The following APCDD1 variants were observed in gnomAD, a reference collection of about 807,000 sequenced individuals.
APCDD1 encodes the protein protein APCDD1.
A neutral mutation model predicts 38.1 loss-of-function variants in APCDD1; 15 were observed. That is an observed-to-expected ratio of 0.39 (90% CI 0.26 to 0.61). APCDD1 has a LOEUF of 0.61. APCDD1 is among the 20% of genes least tolerant of loss of function. APCDD1 has a pLI of 0.49. For missense variants in APCDD1, 647 were observed against 696.2 expected, an observed-to-expected ratio of 0.93 and a Z score of 0.79; for synonymous variants, 261 against 279.7, an observed-to-expected ratio of 0.93 and a Z score of 0.67.
At position 10,476,906 on chromosome 18, in the gene APCDD1, C is replaced by G. The variant is rs1172622309; in HGVS notation, c.774+4845C>G. On this transcript the variant is annotated intron_variant, in intron 3 of 4. Coordinates refer to ENST00000355285, the MANE Select transcript of APCDD1 (RefSeq NM_153000.5). This position sits in a 1 kb window ranked among gnomAD's most constrained non-coding sequence, Gnocchi z 5.8. ...GAGCCAGCATATGTTTTTGAGGTAGCTTGCCTCTCAGAGGCTTTTTAGAGG... is the reference window on the plus strand; with the variant it reads ...GAGCCAGCATATGTTTTTGAGGTAGGTTGCCTCTCAGAGGCTTTTTAGAGG... 2 of 152,278 alleles carry G rather than the reference C, an allele frequency of 1.3e-5. No individual in the cohort carries two copies. Among genetic ancestry groups the G allele is most frequent in the African/African-American group, 4.8e-5 (2 of 41,470 alleles). The allele number at this position is 152,278 out of a possible 1,614,324, so 9.4% of individuals were successfully genotyped here. A position where few individuals can be genotyped will look rare whatever the true frequency, so the allele number is the denominator to read the frequency against.
chr18:10,464,796 T>C (rs1364892447), intron 1 of APCDD1, among the ~76,000 whole-genome samples: 1 of 152,224 alleles, frequency 6.6e-6, no homozygotes, highest in African/African-American at 2.4e-5. Context: ...CCTCACTCTC[T>C]TCTACATTGA....
intron 1 of APCDD1, among the ~76,000 whole-genome samples, chr18:10,460,696 A>G (rs985145414): frequency 5.9e-5 from 9 of 152,220 alleles, no homozygotes; most frequent in Admixed American, 2.6e-4. Context: ...CCATTTGTTG[A>G]ATGAATGAAT....
At chr18:10,479,923 T>C (rs1035878164) in intron 3 of APCDD1, among the ~76,000 whole-genome samples, 4 of 152,246 alleles carry the variant, frequency 2.6e-5, no homozygotes, top group African/African-American at 9.6e-5. Context: ...TTCTTTCTCA[T>C]TTTTAGAACA....
In APCDD1 at chr18:10,454,821, C is replaced by A. The variant is rs1257914587; in HGVS notation, c.-161C>A. 1.0e-6 allele frequency: 1 copy of A among 990,094 alleles called. No homozygotes were observed. The highest frequency in any genetic ancestry group is 1.1e-4 in the East Asian group (1 of 9,058). 61.3% of individuals were successfully genotyped at this position (990,094 alleles called of 1,614,324 possible). Reference sequence around the variant, plus strand: ...CGCCCAGAGAGCGCGCGCCCCGCAGCCCCGCGCCTAGCCCGCCGGGCATGG... The same window carrying A: ...CGCCCAGAGAGCGCGCGCCCCGCAGACCCGCGCCTAGCCCGCCGGGCATGG... On this transcript the variant is annotated 5_prime_UTR_variant, in exon 1 of 5. Transcript: ENST00000355285.
chr18:10,489,638 G>A lies in APCDD1; in HGVS notation c.*1600G>A, dbSNP rs1239989112. The A allele has an allele frequency of 1.3e-5, 2 of 151,886 alleles. No individual in the cohort carries two copies. Among genetic ancestry groups the A allele is most frequent in the African/African-American group, 4.8e-5 (2 of 41,292 alleles). The allele number at this position is 151,886 out of a possible 1,614,324, so 9.4% of individuals were successfully genotyped here. On this transcript the variant is annotated 3_prime_UTR_variant, in exon 5 of 5. Transcript: ENST00000355285. ...GGCATGAACCTGGGAGGTGGAGCTT[G>A]CAGTGAGCCGAGATTGTGCCACTGC...
rs927820766 is a variant in APCDD1 at position 10,476,677 on chromosome 18, C to T, written c.774+4616C>T. ...CCAAAATCCTGCACTGATTTAACCA[C>T]AGGATCGTAAATCAAAGGGGCTGTC... On this transcript the variant is annotated intron_variant, in intron 3 of 4. Transcript: ENST00000355285. This position sits in a 1 kb window ranked among gnomAD's most constrained non-coding sequence, Gnocchi z 5.8. 2.0e-5 allele frequency: 3 copies of T among 152,196 alleles called. No homozygotes were observed. The highest frequency in any genetic ancestry group is 4.8e-5 in the African/African-American group (2 of 41,422). The allele number at this position is 152,196 out of a possible 1,614,324, so 9.4% of individuals were successfully genotyped here.
At chr18:10,459,688 T>G (rs1392528622) in intron 1 of APCDD1, among the ~76,000 whole-genome samples, 1 of 152,212 alleles carries the variant, frequency 6.6e-6, no homozygotes, top group Admixed American at 6.5e-5. Context: ...ACATACATGC[T>G]TTTATTTCAA....
intron 1 of APCDD1, among the ~76,000 whole-genome samples, chr18:10,461,705 A>G (rs1246302455): frequency 6.6e-6 from 1 of 152,244 alleles, no homozygotes; most frequent in Non-Finnish European, 1.5e-5. Context: ...ACCACTTTGA[A>G]GACCAAAAAC....
chr18:10,457,602 G>T (rs1362473175), intron 1 of APCDD1, among the ~76,000 whole-genome samples: 2 of 152,100 alleles, frequency 1.3e-5, no homozygotes, highest in Non-Finnish European at 2.9e-5. Flanking sequence ...CTATGGTGTT[G>T]GATGTTCCTG....
chr18:10,480,938 AT>A (rs1378039394), intron 3 of APCDD1, among the ~76,000 whole-genome samples: 7 of 137,914 alleles, frequency 5.1e-5, no homozygotes, highest in African/African-American at 7.8e-5. Context: ...ACCAAAAAAA[AT>A]AAAAAATAAA....
At chr18:10,486,229 C>T (rs2031247685) in intron 4 of APCDD1, among the ~76,000 whole-genome samples, 1 of 152,134 alleles carries the variant, frequency 6.6e-6, no homozygotes, top group Non-Finnish European at 1.5e-5. Context: ...TGGCATGTGC[C>T]TGTAGTCCCA....
At chr18:10,456,086 G>A (rs2030375194) in intron 1 of APCDD1, among the ~76,000 whole-genome samples, 2 of 152,198 alleles carry the variant, frequency 1.3e-5, no homozygotes, top group African/African-American at 4.8e-5. Context: ...GGAGGATCAA[G>A]GAAAGGGAAG....
chr18:10,459,880 GATTA>G (rs1199963138), intron 1 of APCDD1, among the ~76,000 whole-genome samples: 1 of 152,132 alleles, frequency 6.6e-6, no homozygotes, highest in African/African-American at 2.4e-5. Flanking sequence ...TTCTCAGTCT[GATTA>G]TTAAAGTATA....
Position 10,475,662 on chromosome 18 carries a change from TA to T in APCDD1, c.774+3615del, listed in dbSNP as rs58941388. On this transcript the variant is annotated intron_variant, in intron 3 of 4. Transcript: ENST00000355285. The surrounding 1 kb of genome is among the most constrained non-coding windows in gnomAD (Gnocchi z 4.0). ...CACAGTCATCACAGAAAATTTAGAT[TA>T]AAAAAAAAAAAAAGCAAGCAAACAC... Among the ~76,000 whole-genome samples the T allele has an allele frequency of 0.38, 53,536 of 139,702 alleles. 11,830 individuals carry two copies. Among genetic ancestry groups the T allele is most frequent in the African/African-American group, 0.64 (24,814 of 38,886 alleles). 91.6% of individuals were successfully genotyped at this position (139,702 alleles called of 152,430 possible).
At chr18:10,458,083 A>G (rs146778217) in intron 1 of APCDD1, among the ~76,000 whole-genome samples, 74 of 152,360 alleles carry the variant, frequency 4.9e-4, no homozygotes, top group African/African-American at 1.7e-3. Flanking sequence ...GTCAAATTCT[A>G]GAAACCATTC....
chr18:10,466,949 T>C (rs1224817437), intron 1 of APCDD1, among the ~76,000 whole-genome samples: 1 of 152,234 alleles, frequency 6.6e-6, no homozygotes, highest in African/African-American at 2.4e-5. Context: ...TCACTGACAT[T>C]CATTGCATGT....
At chr18:10,466,460 C>T (rs2030716858) in intron 1 of APCDD1, among the ~76,000 whole-genome samples, 1 of 152,244 alleles carries the variant, frequency 6.6e-6, no homozygotes, top group African/African-American at 2.4e-5. Context: ...GACTTCCCAT[C>T]TGGCCCAGTG....
chr18:10,458,205 G>A (rs35326929), intron 1 of APCDD1, among the ~76,000 whole-genome samples: 1 of 152,160 alleles, frequency 6.6e-6, no homozygotes, highest in Admixed American at 6.5e-5. Flanking sequence ...GAGTTTTGGA[G>A]CTGATGTTGG....
intron 1 of APCDD1, 68 bp from the exon 2 acceptor site, chr18:10,468,401 G>A (rs2030767491): frequency 7.8e-6 from 12 of 1,536,736 alleles, no homozygotes; most frequent in Non-Finnish European, 1.1e-5. Flanking sequence ...TGCAGAGGTG[G>A]TTGTTTGGCC....
Sources: gnomAD v4.1 joint callset for allele counts (sites outside exome capture counted in the v4.1 genomes callset) on GRCh38, gnomAD v4.1.1 for gene constraint, Gnocchi (gnomAD v3.1) non-coding constraint, MANE v1.5 for transcripts, NCBI Gene and HGNC (gene_info 2026-07-23, HGNC 2026-07-21) for gene names.